Variants in ZNF592 observed in about 807,000 individuals in gnomAD.
The protein encoded by ZNF592 is spinocerebellar ataxia, autosomal recessive 5.
Under a neutral mutation model 80.3 loss-of-function variants are expected in ZNF592, and 11 were observed. The ratio of observed to expected loss-of-function variants is 0.14; its 90% confidence interval spans 0.09 to 0.23. The LOEUF is 0.23. Among genes scored for constraint, ZNF592 ranks in the 10% least tolerant of loss-of-function variants. ZNF592 has a pLI of 1.00. For missense variants in ZNF592, 1,420 were observed against 1,633.9 expected (o/e 0.87, Z 2.26); for synonymous variants, 646 against 640.3 (o/e 1.01, Z -0.13).
In ZNF592 at chr15:84,799,994, T is replaced by TG; in HGVS notation, c.3273+18dup. ...TCCCCTCAGGTGAGTGTGGGCTCCCTGCCTATTGGAGCTGGCTGCTCAGTG... is the reference window on the plus strand; with the variant it reads ...TCCCCTCAGGTGAGTGTGGGCTCCCTGGCCTATTGGAGCTGGCTGCTCAGTG... On this transcript the variant is annotated intron_variant, in intron 10 of 10. Transcript: ENST00000560079. This position sits in a 1 kb window ranked among gnomAD's most constrained non-coding sequence, Gnocchi z 4.2. 1 of 1,614,138 alleles carries TG rather than the reference T, an allele frequency of 6.2e-7. No individual in the cohort carries two copies. Among genetic ancestry groups the TG allele is most frequent in the Non-Finnish European group, 8.5e-7 (1 of 1,180,000 alleles).
intron 2 of ZNF592, among the ~76,000 whole-genome samples, chr15:84,770,999 C>T (rs1366279616): frequency 6.6e-6 from 1 of 152,052 alleles, no homozygotes; most frequent in Non-Finnish European, 1.5e-5. Flanking sequence ...GGGTGAAGGA[C>T]ACCTTGCACA....
rs1176713719 is a variant in ZNF592 at position 84,782,855 on chromosome 15, C to T, written c.180C>T (p.Ala60=). 1 of 1,614,156 alleles carries T rather than the reference C, an allele frequency of 6.2e-7. No homozygotes were observed. The highest frequency in any genetic ancestry group is 8.5e-7 in the Non-Finnish European group (1 of 1,180,046). ...ESVSLSHSGS[A]PDVPAVSVIV... is the part of the protein sequence containing the mutation. ...TGTCCTTGTCTCACTCAGGATCAGCCCCCGATGTGCCGGCCGTGAGTGTCA... is the reference window on the plus strand; with the variant it reads ...TGTCCTTGTCTCACTCAGGATCAGCTCCCGATGTGCCGGCCGTGAGTGTCA... The change falls in exon 4 of 11, where the codon GCC becomes GCT. Residue 60 remains alanine, a synonymous_variant. Coordinates refer to ENST00000560079, the MANE Select transcript of ZNF592 (RefSeq NM_014630.3).
intron 5 of ZNF592, among the ~76,000 whole-genome samples, chr15:84,793,051 A>G (rs752844763): frequency 2.0e-5 from 3 of 151,972 alleles, no homozygotes; most frequent in Non-Finnish European, 4.4e-5. Flanking sequence ...TTAAATATTT[A>G]TCTTTGAATC....
At chr15:84,750,104 C>G (rs1898970840) in intron 1 of ZNF592, among the ~76,000 whole-genome samples, 1 of 152,216 alleles carries the variant, frequency 6.6e-6, no homozygotes, top group Non-Finnish European at 1.5e-5. Flanking sequence ...GAGTTCGAGA[C>G]CAGCCTGACC....
Position 84,784,098 on chromosome 15 carries a change from C to G in ZNF592, c.1423C>G (p.Pro475Ala). The G allele has an allele frequency of 6.2e-7, 1 of 1,614,166 alleles. No individual in the cohort carries two copies. Among genetic ancestry groups the G allele is most frequent in the South Asian group, 1.1e-5 (1 of 91,078 alleles). ...GCCCCGGGTCCCAAAGGGGGCTGCC[C>G]CAGGCTCACAGACAGGCAAGAAGCA... ...SGPRVPKGAA[P>A]GSQTGKKQQS... Residue 475 changes from proline to alanine, a missense_variant, in exon 4 of 11, where the codon CCA (proline) becomes GCA (alanine). Coordinates refer to ENST00000560079, the MANE Select transcript of ZNF592 (RefSeq NM_014630.3). This position sits in a 1 kb window ranked among gnomAD's most constrained non-coding sequence, Gnocchi z 5.8.
At chr15:84,768,569 C>T (rs1183725441) in intron 2 of ZNF592, among the ~76,000 whole-genome samples, 1 of 152,030 alleles carries the variant, frequency 6.6e-6, no homozygotes, top group African/African-American at 2.4e-5. Flanking sequence ...GACTCATTCC[C>T]ACCCTGTACC....
At chr15:84,761,509 A>G (rs1899349801) in intron 1 of ZNF592, among the ~76,000 whole-genome samples, 1 of 152,154 alleles carries the variant, frequency 6.6e-6, no homozygotes, top group African/African-American at 2.4e-5. Context: ...CCAATGTGGT[A>G]GAGTTTAAAG....
intron 1 of ZNF592, among the ~76,000 whole-genome samples, chr15:84,756,474 C>A (rs927132559): frequency 1.3e-5 from 2 of 152,232 alleles, no homozygotes; most frequent in Non-Finnish European, 2.9e-5. Context: ...TGCAAGCCAT[C>A]TCAGGGACAT....
At chr15:84,789,526 G>A (rs1232053335) in intron 4 of ZNF592, among the ~76,000 whole-genome samples, 1 of 152,080 alleles carries the variant, frequency 6.6e-6, no homozygotes, top group East Asian at 1.9e-4. Context: ...TTCCACAGTA[G>A]ATGCACCATT....
chr15:84,789,011 G>A (rs559986922), intron 4 of ZNF592, among the ~76,000 whole-genome samples: 53 of 150,098 alleles, frequency 3.5e-4, no homozygotes, highest in African/African-American at 1.3e-3. Context: ...ACGAGTTCGA[G>A]ACCAGCCTGG....
intron 1 of ZNF592, among the ~76,000 whole-genome samples, chr15:84,757,591 C>A (rs774263342): frequency 6.6e-6 from 1 of 151,836 alleles, no homozygotes; most frequent in Admixed American, 6.6e-5. Flanking sequence ...TGGCTTGAAG[C>A]GATCCTTCCA....
chr15:84,786,660 C>G (rs974084985), intron 4 of ZNF592, among the ~76,000 whole-genome samples: 1 of 152,002 alleles, frequency 6.6e-6, no homozygotes, highest in Non-Finnish European at 1.5e-5. Flanking sequence ...TCTTCTGATG[C>G]GTCAGATGGG....
At chr15:84,756,582 G>C (rs1425374989) in intron 1 of ZNF592, among the ~76,000 whole-genome samples, 2 of 152,158 alleles carry the variant, frequency 1.3e-5, no homozygotes, top group African/African-American at 2.4e-5. Flanking sequence ...TCTGGGCTTG[G>C]CCCAGCCAAA....
At chr15:84,754,203 C>T (rs1041926519) in intron 1 of ZNF592, among the ~76,000 whole-genome samples, 5 of 152,304 alleles carry the variant, frequency 3.3e-5, no homozygotes, top group Middle Eastern at 3.4e-3. Flanking sequence ...CTGGTCACTG[C>T]GTGACTTTGG....
chr15:84,771,144 G>C (rs1899689454), intron 2 of ZNF592, among the ~76,000 whole-genome samples: 1 of 152,078 alleles, frequency 6.6e-6, no homozygotes, highest in Non-Finnish European at 1.5e-5. Flanking sequence ...AGAGGGGAAA[G>C]ACATGACCCC....
chr15:84,778,836 A>G (rs767039978), intron 3 of ZNF592, among the ~76,000 whole-genome samples: 7 of 152,176 alleles, frequency 4.6e-5, no homozygotes, highest in Non-Finnish European at 1.0e-4. Context: ...TGGCGTGTGC[A>G]TGTGTGGTTC....
chr15:84,765,751 A>T (rs1899497447), intron 2 of ZNF592, among the ~76,000 whole-genome samples: 1 of 151,734 alleles, frequency 6.6e-6, no homozygotes, highest in African/African-American at 2.4e-5. Context: ...GTTGGCCAGG[A>T]TGGTCTCCAT....
intron 2 of ZNF592, among the ~76,000 whole-genome samples, chr15:84,775,494 G>A (rs1567065515): frequency 6.6e-6 from 1 of 152,006 alleles, no homozygotes; most frequent in Admixed American, 6.6e-5. Context: ...GTGCAGTGAC[G>A]CGATCTCAGC....
At chr15:84,786,595 A>G (rs76849182) in intron 4 of ZNF592, among the ~76,000 whole-genome samples, 3 of 152,220 alleles carry the variant, frequency 2.0e-5, no homozygotes, top group Middle Eastern at 3.4e-3. Flanking sequence ...AGAAGGTGCT[A>G]TAGGATCCCA....
Sources: gnomAD v4.1 joint callset for allele counts (sites outside exome capture counted in the v4.1 genomes callset) on GRCh38, gnomAD v4.1.1 for gene constraint, Gnocchi (gnomAD v3.1) non-coding constraint, MANE v1.5 for transcripts, NCBI Gene and HGNC (gene_info 2026-07-23, HGNC 2026-07-21) for gene names.